Variants in EIF2AK2 observed in about 807,000 individuals in gnomAD.
The protein encoded by EIF2AK2 is interferon-induced, double-stranded RNA-activated protein kinase.
Under a neutral mutation model 70.5 loss-of-function variants are expected in EIF2AK2, and 40 were observed. That is an observed-to-expected ratio of 0.57 (90% confidence interval 0.44 to 0.74). The LOEUF is 0.74. EIF2AK2 is among the 30% of genes least tolerant of loss of function. The pLI, the probability that EIF2AK2 is intolerant of heterozygous loss-of-function variation, is 0.00. For missense variants in EIF2AK2, 555 were observed against 644.3 expected (o/e 0.86, Z 1.50); for synonymous variants, 198 against 220.9 (o/e 0.90, Z 0.92).
intron 4 of EIF2AK2, among the ~76,000 whole-genome samples, chr2:37,143,462 A>C (rs1675412432): frequency 6.6e-6 from 1 of 152,188 alleles, no homozygotes; most frequent in Admixed American, 6.5e-5. Flanking sequence ...CGCTATATCC[A>C]CGGGTTTCAA....
At chr2:37,120,223 A>G (rs898685560) in intron 12 of EIF2AK2, 84 bp from the exon 13 acceptor site, 9 of 966,284 alleles carry the variant, frequency 9.3e-6, no homozygotes, top group Middle Eastern at 7.5e-4. Context: ...AAAGTTTTTC[A>G]TAACTTTTTA....
In EIF2AK2 at chr2:37,128,238, T is replaced by A. The variant is rs1674812536; in HGVS notation, c.786-1827A>T. ...GACCCGCCCCACTGATGCAAACAGG[T>A]CTCCATCGTTTCAGACATTTCATTT... On this transcript the variant is annotated intron_variant, in intron 10 of 16. Coordinates refer to ENST00000233057, the MANE Select transcript of EIF2AK2 (RefSeq NM_001135651.3). Among the ~76,000 whole-genome samples, 5 of 152,214 alleles carry A rather than the reference T, an allele frequency of 3.3e-5. 1 individual carries two copies. Among genetic ancestry groups the A allele is most frequent in the Admixed American group, 2.0e-4 (3 of 15,284 alleles).
At chr2:37,154,332 A>T (rs1325824910) in intron 1 of EIF2AK2, among the ~76,000 whole-genome samples, 1 of 151,918 alleles carries the variant, frequency 6.6e-6, no homozygotes, top group Non-Finnish European at 1.5e-5. Context: ...TCTCAAAAAA[A>T]AAAACAAAAA....
rs1202537014 is a variant in EIF2AK2 at position 37,114,750 on chromosome 2, C to T, written c.1358G>A (p.Arg453Gln). Residue 453 changes from arginine to glutamine, a missense_variant, in exon 14 of 17, where the codon CGA becomes CAA. Arg to Gln is a conservative substitution (Grantham distance 43). Coordinates refer to ENST00000233057, the MANE Select transcript of EIF2AK2 (RefSeq NM_001135651.3). ...GKRTRSKGTL[R>Q]YMSPEQISSQ... ...CCTTACCTGTTCTGGGCTCATGTAT[C>T]GCAAAGTTCCCTTACTCCTTGTTCG... 4 of 1,592,286 alleles carry T rather than the reference C, an allele frequency of 2.5e-6. No individual in the cohort carries two copies. Among genetic ancestry groups the T allele is most frequent in the Admixed American group, 1.8e-5 (1 of 56,284 alleles).
At chr2:37,139,211 A>C (rs956701615) in intron 6 of EIF2AK2, among the ~76,000 whole-genome samples, 1 of 150,934 alleles carries the variant, frequency 6.6e-6, no homozygotes, top group African/African-American at 2.4e-5. Context: ...GCTACTCAGT[A>C]GGCTGAGGCA....
At chr2:37,121,087 TC>T (rs1313093404) in intron 12 of EIF2AK2, among the ~76,000 whole-genome samples, 1 of 144,858 alleles carries the variant, frequency 6.9e-6, no homozygotes, top group Non-Finnish European at 1.5e-5. Flanking sequence ...CACGGTGAAA[TC>T]CCGTCTCTAC....
chr2:37,128,321 T>C (rs1674816026), intron 10 of EIF2AK2, among the ~76,000 whole-genome samples: 1 of 152,208 alleles, frequency 6.6e-6, no homozygotes, highest in South Asian at 2.1e-4. Flanking sequence ...AAATCTGATA[T>C]GGAGCTAGAA....
chr2:37,147,064 C>T (rs1675571129), intron 3 of EIF2AK2, 91 bp from the exon 4 acceptor site: 1 of 1,239,918 alleles, frequency 8.1e-7, no homozygotes, highest in African/African-American at 1.5e-5. Flanking sequence ...CCTATGACTA[C>T]CTTTGAGGGT....
intron 10 of EIF2AK2, among the ~76,000 whole-genome samples, chr2:37,132,184 AC>A (rs773186153): frequency 2.6e-5 from 4 of 152,122 alleles, no homozygotes; most frequent in Non-Finnish European, 5.9e-5. Flanking sequence ...ATTTCCCCTC[AC>A]ACAACATATC....
At position 37,104,483 on chromosome 2, in the gene EIF2AK2, C is replaced by T. The variant is rs1673906862; in HGVS notation, c.*2790G>A. 4 of 152,050 alleles carry T rather than the reference C, an allele frequency of 2.6e-5. No individual in the cohort carries two copies. The highest frequency in any genetic ancestry group is 2.6e-4 in the Admixed American group (4 of 15,254). The allele number at this position is 152,050 out of a possible 1,614,324, so 9.4% of individuals were successfully genotyped here. Reference sequence around the variant, plus strand: ...CACAGATGCACACTACCATGCCCAGCTAATTTTCTGATTTTTTGTAGAGAT... The same window carrying T: ...CACAGATGCACACTACCATGCCCAGTTAATTTTCTGATTTTTTGTAGAGAT... On this transcript the variant is annotated 3_prime_UTR_variant, in exon 17 of 17. Coordinates refer to ENST00000233057, the MANE Select transcript of EIF2AK2 (RefSeq NM_001135651.3).
At position 37,111,878 on chromosome 2, in the gene EIF2AK2, AATATATATATATAT is replaced by A. The variant is rs869140054; in HGVS notation, c.1378-2597_1378-2584del. Among the ~76,000 whole-genome samples, 141 of 69,108 alleles carry A rather than the reference AATATATATATATAT, an allele frequency of 2.0e-3. 1 individual carries two copies. Among genetic ancestry groups the A allele is most frequent in the Middle Eastern group, 0.015 (1 of 66 alleles). 45.3% of individuals were successfully genotyped at this position (69,108 alleles called of 152,430 possible). Reference sequence around the variant, plus strand: ...CCCTGTCTCAAAAAAAAAAAAAAAAAATATATATATATATATATATATATATATATATATCATAA... The same window carrying A: ...CCCTGTCTCAAAAAAAAAAAAAAAAAATATATATATATATATATATCATAA... On this transcript the variant is annotated intron_variant, in intron 14 of 16. Transcript: ENST00000233057.
At chr2:37,119,412 A>C (rs549586982) in intron 13 of EIF2AK2, among the ~76,000 whole-genome samples, 53 of 152,228 alleles carry the variant, frequency 3.5e-4, no homozygotes, top group African/African-American at 1.2e-3. Context: ...CTGCCTCTCA[A>C]ATAAAGCTGA....
At chr2:37,119,882 G>T in intron 13 of EIF2AK2, 77 bp downstream of exon 13, 1 of 878,320 alleles carries the variant, frequency 1.1e-6, no homozygotes, top group Non-Finnish European at 1.5e-6. Flanking sequence ...GTGAGCCACT[G>T]TGCCCAGCTG....
At chr2:37,111,574 C>T (rs961027783) in intron 14 of EIF2AK2, among the ~76,000 whole-genome samples, 13 of 151,326 alleles carry the variant, frequency 8.6e-5, no homozygotes, top group African/African-American at 2.9e-4. Flanking sequence ...AACAATATGA[C>T]CAGGCGCCGT....
rs530669269 is a variant in EIF2AK2, at chr2:37,138,548, G to T, written c.554C>A (p.Thr185Lys). The T allele has an allele frequency of 6.2e-7, 1 of 1,614,086 alleles. No individual in the cohort carries two copies. The highest frequency in any genetic ancestry group is 2.2e-5 in the East Asian group (1 of 44,850). The change falls in exon 7 of 17, where the codon ACG becomes AAG. Residue 185 changes from threonine to lysine, a missense_variant. Physicochemically the swap from Thr to Lys is moderately conservative, Grantham distance 78. This residue lies in a region of EIF2AK2 where 208 missense variants were observed against 191.8 expected (regional missense o/e 1.08). Coordinates refer to ENST00000233057, the MANE Select transcript of EIF2AK2 (RefSeq NM_001135651.3). ...DYLSSGSFAT[T>K]CESQSNSLVT... ...TAAAGAGTTGCTTTGGGACTCACACGTAGTAGCAAAAGAACCAGAGGACAG... is the reference window on the plus strand; with the variant it reads ...TAAAGAGTTGCTTTGGGACTCACACTTAGTAGCAAAAGAACCAGAGGACAG...
At chr2:37,124,731 CTTT>C (rs528735782) in intron 11 of EIF2AK2, among the ~76,000 whole-genome samples, 2 of 144,376 alleles carry the variant, frequency 1.4e-5, no homozygotes, top group South Asian at 4.4e-4. Context: ...GAATAACATT[CTTT>C]TTTTTTTTTT....
At chr2:37,108,321 G>C (rs1411671849) in intron 15 of EIF2AK2, among the ~76,000 whole-genome samples, 1 of 151,980 alleles carries the variant, frequency 6.6e-6, no homozygotes, top group East Asian at 1.9e-4. Context: ...TACACTGCCT[G>C]CTGTCCCCAA....
chr2:37,156,042 G>C (rs1041014292), intron 1 of EIF2AK2, among the ~76,000 whole-genome samples: 3 of 152,274 alleles, frequency 2.0e-5, no homozygotes, highest in Non-Finnish European at 4.4e-5. Context: ...GGGCAGAGCG[G>C]GGTTTCTTGT....
chr2:37,121,508 G>A (rs1421243073), intron 12 of EIF2AK2, among the ~76,000 whole-genome samples: 2 of 151,702 alleles, frequency 1.3e-5, no homozygotes, highest in Non-Finnish European at 2.9e-5. Context: ...CCGTCACGGG[G>A]ATAATAGTCT....
Sources: allele counts gnomAD v4.1 joint callset (sites outside exome capture counted in the v4.1 genomes callset), GRCh38; gene constraint gnomAD v4.1.1; regional missense constraint gnomAD v4.1.1; transcripts MANE v1.5; gene names NCBI Gene and HGNC (gene_info 2026-07-23, HGNC 2026-07-21).